The following AHNAK variants were observed in gnomAD, a reference collection of about 807,000 sequenced individuals.
The protein encoded by AHNAK is AHNAK nucleoprotein, also known as neuroblast differentiation-associated protein AHNAK.
In AHNAK, 23 loss-of-function variants were observed where a neutral mutation model predicts 37.8. That is an observed-to-expected ratio of 0.61 (90% CI 0.44 to 0.86). AHNAK has a LOEUF of 0.86. AHNAK is among the 40% of genes least tolerant of loss of function. The probability of loss-of-function intolerance (pLI) is 0.00; values close to 1 mark genes in which losing one functional copy is unlikely to be tolerated. For missense variants in AHNAK, 7,411 were observed against 7,319.4 expected, an observed-to-expected ratio of 1.01 and a Z score of -0.46; for synonymous variants, 2,481 against 2,636.3, an observed-to-expected ratio of 0.94 and a Z score of 1.80.
chr11:62,506,764 T>C (rs1034571994), intron 4 of AHNAK, among the ~76,000 whole-genome samples: 1 of 151,930 alleles, frequency 6.6e-6, no homozygotes, highest in Non-Finnish European at 1.5e-5. Flanking sequence ...ATTATTATAG[T>C]GGAAGAGTGA....
chr11:62,542,802 CTGAGGGTG>C (rs1417540508), intron 1 of AHNAK, among the ~76,000 whole-genome samples: 1 of 152,246 alleles, frequency 6.6e-6, no homozygotes, highest in African/African-American at 2.4e-5. Flanking sequence ...GACACCAACT[CTGAGGGTG>C]GCGTCCTATA....
At chr11:62,475,618 T>TTTTTC (rs1939127527) in intron 5 of AHNAK, among the ~76,000 whole-genome samples, 1 of 124,444 alleles carries the variant, frequency 8.0e-6, no homozygotes, top group Non-Finnish European at 1.9e-5. Flanking sequence ...TTTTTTTTTT[T>TTTTTC]TTTTTAGACA....
chr11:62,541,646 G>T (rs1009734531), intron 1 of AHNAK, among the ~76,000 whole-genome samples: 2 of 152,216 alleles, frequency 1.3e-5, no homozygotes, highest in Non-Finnish European at 2.9e-5. Context: ...GCTCTGATGT[G>T]CCAGGGACTG....
chr11:62,506,013 C>CAAAAAAAA (rs10608015), intron 4 of AHNAK, among the ~76,000 whole-genome samples: 43 of 43,062 alleles, frequency 1.0e-3, no homozygotes, highest in African/African-American at 2.2e-3. Flanking sequence ...CTGTCTCTAC[C>CAAAAAAAA]AAAAAAAAAA....
intron 1 of AHNAK, among the ~76,000 whole-genome samples, chr11:62,543,525 T>G (rs1941201118): frequency 6.6e-6 from 1 of 152,220 alleles, no homozygotes; most frequent in Admixed American, 6.5e-5. Context: ...GTGACCTACC[T>G]AAGACTGCCA....
In AHNAK at chr11:62,530,810, G is replaced by A. The variant is rs773966471; in HGVS notation, c.3607C>T (p.His1203Tyr). 11 of 1,608,274 alleles carry A rather than the reference G, an allele frequency of 6.8e-6. No individual in the cohort carries two copies. The highest frequency in any genetic ancestry group is 7.6e-6 in the Non-Finnish European group (9 of 1,178,048). Reference sequence around the variant, plus strand: ...CCTTTGACTTTGGGGCCTTTCAAGTGTAAGTCCACATCAGGCATGGAGATC... The same window carrying A: ...CCTTTGACTTTGGGGCCTTTCAAGTATAAGTCCACATCAGGCATGGAGATC... The part of the protein sequence containing the change: ...PKISMPDVDL[H>Y]LKGPKVKGDV... The change falls in exon 5 of 5, where the codon CAC (histidine) becomes TAC (tyrosine). Residue 1203 changes from histidine (H) to tyrosine (Y), a missense_variant. Coordinates refer to ENST00000378024, the MANE Select transcript of AHNAK (RefSeq NM_001620.3).
Position 62,525,039 on chromosome 11 carries a change from A to G in AHNAK, c.9378T>C (p.Asp3126=), listed in dbSNP as rs766338130. Residue 3126 remains aspartate, a synonymous_variant, in exon 5 of 5, where the codon GAT becomes GAC. Transcript: ENST00000378024. ...VEGDMKVPDV[D]IKGPKVDINA... is the part of the protein sequence containing the mutation. The stretch of plus-strand genomic sequence containing the variant: ...TAATATCCACTTTGGGGCCTTTAAT[A>G]TCCACGTCAGGAACTTTCATGTCAC... 5 of 1,612,372 alleles carry G rather than the reference A, an allele frequency of 3.1e-6. No individual in the cohort carries two copies. The highest frequency in any genetic ancestry group is 1.1e-5 in the South Asian group (1 of 91,006).
At chr11:62,496,622 C>G (rs1379103922) in intron 4 of AHNAK, among the ~76,000 whole-genome samples, 1 of 152,094 alleles carries the variant, frequency 6.6e-6, no homozygotes, top group Non-Finnish European at 1.5e-5. Flanking sequence ...TAGTGAAACC[C>G]TGTCTCTACT....
At position 62,525,040 on chromosome 11, in the gene AHNAK, T is replaced by C; in HGVS notation, c.9377A>G (p.Asp3126Gly). The change falls in exon 5 of 5, where the codon GAT becomes GGT. Residue 3126 changes from aspartate to glycine, a missense_variant. Transcript: ENST00000378024. Reference sequence around the variant, plus strand: ...AATATCCACTTTGGGGCCTTTAATATCCACGTCAGGAACTTTCATGTCACC... The same window carrying C: ...AATATCCACTTTGGGGCCTTTAATACCCACGTCAGGAACTTTCATGTCACC... ...VEGDMKVPDV[D>G]IKGPKVDINA... is the part of the protein sequence containing the mutation. 6.2e-7 allele frequency: 1 copy of C among 1,613,786 alleles called. No homozygotes were observed. Among genetic ancestry groups the C allele is most frequent in the Non-Finnish European group, 8.5e-7 (1 of 1,179,966 alleles).
chr11:62,479,908 A>G (rs746597328), intron 5 of AHNAK, among the ~76,000 whole-genome samples: 132 of 152,186 alleles, frequency 8.7e-4, no homozygotes, highest in Non-Finnish European at 7.8e-4. Context: ...TTTCACTTCA[A>G]TAAAAAGTTA....
chr11:62,523,607 T>C lies in AHNAK; in HGVS notation c.10810A>G (p.Lys3604Glu). 1.2e-6 allele frequency: 2 copies of C among 1,614,202 alleles called. No homozygotes were observed. The highest frequency in any genetic ancestry group is 1.7e-6 in the Non-Finnish European group (2 of 1,180,044). Residue 3604 changes from lysine to glutamate, a missense_variant, in exon 5 of 5, where the codon AAA becomes GAA. By Grantham distance (56) the Lys-to-Glu change is moderately conservative. Transcript: ENST00000378024. ...HGPDWHLKMP[K>E]VKMPKFSMPG... is the part of the protein sequence containing the mutation. ...ATGCTGAACTTGGGCATTTTCACTT[T>C]GGGCATCTTCAGATGCCAGTCTGGA...
In AHNAK at chr11:62,520,123, T is replaced by C. The variant is rs756982184; in HGVS notation, c.14294A>G (p.Asn4765Ser). 19 of 1,612,492 alleles carry C rather than the reference T, an allele frequency of 1.2e-5. No homozygotes were observed. Among genetic ancestry groups the C allele is most frequent in the South Asian group, 7.7e-5 (7 of 91,006 alleles). Residue 4765 changes from asparagine (N) to serine (S), a missense_variant, in exon 5 of 5, where the codon AAC becomes AGC. Asn to Ser is a conservative substitution (Grantham distance 46, BLOSUM62 1). Transcript: ENST00000378024. ...GCCATGAACATCCACATCAGGGGTG[T>C]TGATGTCCACTTTTGGGCCCTTGAT... ...ADIKGPKVDINTPDVDVHGPD... is the reference protein window; with the variant it reads ...ADIKGPKVDISTPDVDVHGPD...
Position 62,521,182 on chromosome 11 carries a change from C to G in AHNAK, c.13235G>C (p.Gly4412Ala). The change falls in exon 5 of 5, where the codon GGT becomes GCT. Residue 4412 changes from glycine to alanine, a missense_variant. By Grantham distance (60) the Gly-to-Ala change is moderately conservative (BLOSUM62 0). Coordinates refer to ENST00000378024, the MANE Select transcript of AHNAK (RefSeq NM_001620.3). ...GTCAATTTCAGGGCCCTTGAGATCA[C>G]CTTCCACTTTGGGCAGAGAGACATC... is the stretch of plus-strand genomic sequence containing the variant. ...DVDVSLPKVE[G>A]DLKGPEIDIK... 1.2e-6 allele frequency: 2 copies of G among 1,614,086 alleles called. No homozygotes were observed. The highest frequency in any genetic ancestry group is 3.3e-5 in the Admixed American group (2 of 60,014).
At chr11:62,491,394 G>A (rs2134895080) in intron 5 of AHNAK, among the ~76,000 whole-genome samples, 1 of 152,288 alleles carries the variant, frequency 6.6e-6, no homozygotes, top group South Asian at 2.1e-4. Flanking sequence ...TTTGGTTTCT[G>A]CCCCACCCTG....
In AHNAK at chr11:62,521,943, G is replaced by A. The variant is rs527634020; in HGVS notation, c.12474C>T (p.Leu4158=). 101 of 1,604,592 alleles carry A rather than the reference G, an allele frequency of 6.3e-5. No individual in the cohort carries two copies. Among genetic ancestry groups the A allele is most frequent in the South Asian group, 4.9e-4 (44 of 90,566 alleles). The change falls in exon 5 of 5, where the codon CTC becomes CTT. Residue 4158 remains leucine, a synonymous_variant. Coordinates refer to ENST00000378024, the MANE Select transcript of AHNAK (RefSeq NM_001620.3). ...CCTTGATGTCAACTTCAGGGCCCTT[G>A]AGGTCGCCTTCCACTTTGGGCAGAG... ...DVSLPKVEGD[L]KGPEVDIKGP...
intron 1 of AHNAK, chr11:62,545,739 C>G (rs1304154210): frequency 6.5e-6 from 1 of 152,880 alleles, no homozygotes; most frequent in African/African-American, 2.4e-5. Context: ...CCCTTTGCCC[C>G]TCACCACTCC....
chr11:62,512,198 GCTT>G (rs1939927268), downstream of AHNAK, among the ~76,000 whole-genome samples: 3 of 152,166 alleles, frequency 2.0e-5, no homozygotes, highest in African/African-American at 7.2e-5. The surrounding 1 kb of genome is among the most constrained non-coding windows in gnomAD (Gnocchi z 4.0). Context: ...CCCTGCTCCT[GCTT>G]CTCTGCCCGA....
chr11:62,451,593 C>A lies in AHNAK; in HGVS notation c.443-17702G>T, dbSNP rs559509197. Among the ~76,000 whole-genome samples, 48 of 152,086 alleles carry A rather than the reference C, an allele frequency of 3.2e-4. 1 individual carries two copies. The South Asian group carries it at 1.0e-2, about 32-fold the overall frequency. ...TCTCTACTAGAAATACAAAAATCAT[C>A]CAGGCATAGTGGCGTGAGCCTGTAA... On this transcript the variant is annotated intron_variant, in intron 5 of 5. Coordinates refer to the AHNAK transcript ENST00000257247.
chr11:62,531,755 G>C lies in AHNAK; in HGVS notation c.2662C>G (p.Pro888Ala), dbSNP rs778234574. The change falls in exon 5 of 5, where the codon CCT becomes GCT. Residue 888 changes from proline (P) to alanine (A), a missense_variant. Physicochemically the swap from Pro to Ala is conservative, Grantham distance 27. Coordinates refer to ENST00000378024, the MANE Select transcript of AHNAK (RefSeq NM_001620.3). ...TCTGGGCCCTCTGCTTTGAAGCCAG[G>C]CATGCTGAACTTGGGCATTTTCATC... ...PKMKMPKFSM[P>A]GFKAEGPEVD... 52 of 1,613,662 alleles carry C rather than the reference G, an allele frequency of 3.2e-5. No individual in the cohort carries two copies. The highest frequency in any genetic ancestry group is 4.2e-5 in the Non-Finnish European group (49 of 1,179,976).
Sources: allele counts gnomAD v4.1 joint callset (sites outside exome capture counted in the v4.1 genomes callset), GRCh38; gene constraint gnomAD v4.1.1; non-coding constraint Gnocchi (gnomAD v3.1); transcripts MANE v1.5; gene names NCBI Gene and HGNC (gene_info 2026-07-23, HGNC 2026-07-21).